Variants in ANKS1B observed in about 807,000 individuals in gnomAD.
ANKS1B encodes ankyrin repeat and sterile alpha motif domain-containing protein 1B.
Under a neutral mutation model 148.3 loss-of-function variants are expected in ANKS1B, and 36 were observed. The ratio of observed to expected loss-of-function variants is 0.24; its 90% confidence interval spans 0.19 to 0.32. The LOEUF (loss-of-function observed/expected upper bound fraction) is 0.32. ANKS1B is among the 10% of genes least tolerant of loss of function. The pLI is 1.00. For synonymous variants in ANKS1B, 542 were observed against 560.8 expected (o/e 0.97, Z 0.47); for missense variants, 1,157 against 1,542.6 (o/e 0.75, Z 4.19).
intron 9 of ANKS1B, among the ~76,000 whole-genome samples, chr12:99,653,527 C>T (rs1445358466): frequency 2.0e-5 from 3 of 152,152 alleles, no homozygotes; most frequent in Admixed American, 6.5e-5. Flanking sequence ...TATGTAAAAA[C>T]TTTAAGTGAA....
At chr12:99,858,159 A>G (rs532276515) in intron 1 of ANKS1B, among the ~76,000 whole-genome samples, 1 of 152,206 alleles carries the variant, frequency 6.6e-6, no homozygotes, top group Non-Finnish European at 1.5e-5. Flanking sequence ...CAATATCCAA[A>G]ATTTACAAGG....
intron 15 of ANKS1B, among the ~76,000 whole-genome samples, chr12:99,129,334 G>A (rs553153325): frequency 6.6e-6 from 1 of 152,244 alleles, no homozygotes; most frequent in African/African-American, 2.4e-5. Flanking sequence ...CAAACCATTG[G>A]CTAAAACCTT....
At chr12:99,264,638 A>C (rs2076261299) in intron 12 of ANKS1B, among the ~76,000 whole-genome samples, 1 of 152,124 alleles carries the variant, frequency 6.6e-6, no homozygotes, top group African/African-American at 2.4e-5. Context: ...CACTGTTTTC[A>C]TTCCTCAAAA....
chr12:98,884,708 A>C (rs1425039129), intron 17 of ANKS1B, among the ~76,000 whole-genome samples: 1 of 150,242 alleles, frequency 6.7e-6, no homozygotes, highest in Non-Finnish European at 1.5e-5. Flanking sequence ...CTGAGGCAGG[A>C]GAATGGCGTG....
chr12:99,692,958 G>C (rs139374966), intron 8 of ANKS1B, among the ~76,000 whole-genome samples: 1 of 152,156 alleles, frequency 6.6e-6, no homozygotes, highest in South Asian at 2.1e-4. Flanking sequence ...TGGCATGTAG[G>C]CAGTATGTAA....
intron 9 of ANKS1B, among the ~76,000 whole-genome samples, chr12:99,652,302 G>A (rs1354126422): frequency 2.6e-5 from 4 of 151,790 alleles, no homozygotes; most frequent in Admixed American, 1.3e-4. Flanking sequence ...GTGAAATGCC[G>A]TCTCTACTAA....
chr12:99,109,434 C>T (rs545556704), intron 15 of ANKS1B, among the ~76,000 whole-genome samples: 1 of 152,092 alleles, frequency 6.6e-6, no homozygotes, highest in Non-Finnish European at 1.5e-5. Context: ...TGGAGACAGA[C>T]ACACCCAAGA....
chr12:99,345,591 A>G (rs1445391955), intron 12 of ANKS1B, among the ~76,000 whole-genome samples: 2 of 151,946 alleles, frequency 1.3e-5, no homozygotes, highest in African/African-American at 2.4e-5. Flanking sequence ...TTTCATTTTA[A>G]AGAGGAGGAA....
chr12:99,450,140 C>G (rs541013761), intron 10 of ANKS1B, among the ~76,000 whole-genome samples: 1 of 152,042 alleles, frequency 6.6e-6, no homozygotes, highest in Non-Finnish European at 1.5e-5. Context: ...AAGTCAAGAG[C>G]CAACATTTCA....
chr12:99,733,840 T>C (rs1176038739), intron 8 of ANKS1B, among the ~76,000 whole-genome samples: 9 of 152,310 alleles, frequency 5.9e-5, no homozygotes, highest in African/African-American at 2.2e-4. Flanking sequence ...AACCTGCCCA[T>C]CTTCATACCT....
chr12:99,653,301 C>A (rs930603970), intron 9 of ANKS1B, among the ~76,000 whole-genome samples: 3 of 151,974 alleles, frequency 2.0e-5, no homozygotes, highest in Non-Finnish European at 4.4e-5. Flanking sequence ...ATAGTAAATA[C>A]CCTGATTATT....
intron 12 of ANKS1B, among the ~76,000 whole-genome samples, chr12:99,312,886 T>C (rs2083380232): frequency 6.6e-6 from 1 of 151,630 alleles, no homozygotes; most frequent in South Asian, 2.1e-4. Context: ...AGTAAATTAA[T>C]CCAAAAACTA....
intron 17 of ANKS1B, among the ~76,000 whole-genome samples, chr12:98,882,754 CAAAA>C (rs5800370): frequency 8.2e-6 from 1 of 121,480 alleles, no homozygotes; most frequent in African/African-American, 3.1e-5. Context: ...TGCCATACTG[CAAAA>C]AAAAAAAAAA....
At chr12:99,233,484 C>G (rs2087251990) in intron 14 of ANKS1B, among the ~76,000 whole-genome samples, 1 of 152,080 alleles carries the variant, frequency 6.6e-6, no homozygotes, top group Non-Finnish European at 1.5e-5. Flanking sequence ...CATCACATAT[C>G]CAGCTTTGCT....
At chr12:99,760,294 C>T (rs566939355) in intron 8 of ANKS1B, among the ~76,000 whole-genome samples, 4 of 151,806 alleles carry the variant, frequency 2.6e-5, no homozygotes, top group African/African-American at 4.8e-5. Flanking sequence ...AGCCATAAAG[C>T]GAGTCTCAAT....
chr12:99,339,212 C>G (rs1026488065), intron 12 of ANKS1B, among the ~76,000 whole-genome samples: 2 of 152,188 alleles, frequency 1.3e-5, no homozygotes, highest in Admixed American at 1.3e-4. Flanking sequence ...CAAGCTGGAA[C>G]GGATAATTCC....
At chr12:98,763,761 A>G (rs973251558) in intron 25 of ANKS1B, among the ~76,000 whole-genome samples, 7 of 152,214 alleles carry the variant, frequency 4.6e-5, no homozygotes, top group Admixed American at 4.6e-4. Context: ...GTGCAGTCTC[A>G]TAAGTTCCTT....
Position 98,997,322 on chromosome 12 carries a change from T to G in ANKS1B, c.2778+55835A>C, listed in dbSNP as rs114012429. Among the ~76,000 whole-genome samples, 619 of 152,238 alleles carry G rather than the reference T, an allele frequency of 4.1e-3. 4 individuals carry two copies. Among genetic ancestry groups the G allele is most frequent in the African/African-American group, 0.014 (592 of 41,534 alleles). ...CTTTGTATTCCGTATATTGATGAGT[T>G]GCTTGAGTTAAATAAAACAAGAATT... On this transcript the variant is annotated intron_variant, in intron 17 of 26. Coordinates refer to ENST00000683438, the MANE Select transcript of ANKS1B (RefSeq NM_001352186.2).
chr12:99,782,122 A>G, intron 4 of ANKS1B, 25 bp from the exon 5 acceptor site: 1 of 1,556,114 alleles, frequency 6.4e-7, no homozygotes. Flanking sequence ...GTAAGAAAAA[A>G]GAAAGCACGG....
Sources: allele counts gnomAD v4.1 joint callset (sites outside exome capture counted in the v4.1 genomes callset), GRCh38; gene constraint gnomAD v4.1.1; transcripts MANE v1.5; gene names NCBI Gene and HGNC (gene_info 2026-07-23, HGNC 2026-07-21).